The following ZNF813 variants were observed in gnomAD, a reference collection of about 807,000 sequenced individuals.
ZNF813 encodes the protein zinc finger protein 813.
Under a neutral mutation model 7.2 loss-of-function variants are expected in ZNF813, and 3 were observed. The ratio of observed to expected loss-of-function variants is 0.42; its 90% CI spans 0.19 to 1.08. ZNF813 has a LOEUF of 1.08. Among genes scored for constraint, ZNF813 ranks in the 50% least tolerant of loss-of-function variants. ZNF813 has a pLI of 0.30. For missense variants in ZNF813, 714 were observed against 753.3 expected, an observed-to-expected ratio of 0.95 and a Z score of 0.61; for synonymous variants, 227 against 256.3, an observed-to-expected ratio of 0.89 and a Z score of 1.09.
At chr19:53,477,139 C>T (rs978830619) in intron 1 of ZNF813, among the ~76,000 whole-genome samples, 3 of 152,234 alleles carry the variant, frequency 2.0e-5, no homozygotes, top group Middle Eastern at 3.4e-3. Flanking sequence ...TCACAGTGTA[C>T]GGGTTGGGTA....
Position 53,490,459 on chromosome 19 carries a change from G to C in ZNF813, c.227G>C (p.Arg76Thr). 1 of 1,614,138 alleles carries C rather than the reference G, an allele frequency of 6.2e-7. No homozygotes were observed. The highest frequency in any genetic ancestry group is 8.5e-7 in the Non-Finnish European group (1 of 1,180,012). Residue 76 changes from arginine to threonine, a missense_variant, in exon 4 of 4, where the codon AGA becomes ACA. Physicochemically the swap from Arg to Thr is moderately conservative, Grantham distance 71. Around this residue, in one of 3 missense-constraint regions of ZNF813, gnomAD observed 563 missense variants for 554.2 expected, o/e 1.02. Transcript: ENST00000396403. ...GTGATCCACACAGGGACATTGCAAA[G>C]ACATGAAAGTCATCACACTGGAGAC... ...REVIHTGTLQ[R>T]HESHHTGDFR...
chr19:53,486,598 A>G, intron 2 of ZNF813, 34 bp from the exon 3 acceptor site: 4 of 1,614,004 alleles, frequency 2.5e-6, no homozygotes, highest in Middle Eastern at 3.3e-4. Flanking sequence ...AACTCCTCCC[A>G]TAACAATTTC....
At position 53,491,238 on chromosome 19, in the gene ZNF813, T is replaced by C; in HGVS notation, c.1006T>C (p.Phe336Leu). 2 of 1,613,920 alleles carry C rather than the reference T, an allele frequency of 1.2e-6. No individual in the cohort carries two copies. Among genetic ancestry groups the C allele is most frequent in the Non-Finnish European group, 1.7e-6 (2 of 1,179,806 alleles). Reference sequence around the variant, plus strand: ...CAAGTGTAATGAATGTGGCAAGACCTTTAGTCAGACGTCATCCCTTACATG... The same window carrying C: ...CAAGTGTAATGAATGTGGCAAGACCCTTAGTCAGACGTCATCCCTTACATG... ...PYKCNECGKT[F>L]SQTSSLTCHR... The change falls in exon 4 of 4, where the codon TTT becomes CTT. Residue 336 changes from phenylalanine to leucine, a missense_variant. Transcript: ENST00000396403.
At chr19:53,489,163 A>G (rs2086447785) in intron 3 of ZNF813, among the ~76,000 whole-genome samples, 1 of 151,982 alleles carries the variant, frequency 6.6e-6, no homozygotes, top group Admixed American at 6.5e-5. Flanking sequence ...ATGAGCCACC[A>G]CACCCGGCTA....
intron 1 of ZNF813, among the ~76,000 whole-genome samples, chr19:53,482,582 C>T (rs1381960039): frequency 3.9e-5 from 6 of 152,158 alleles, no homozygotes; most frequent in Non-Finnish European, 8.8e-5. Flanking sequence ...CTTTCTCCTC[C>T]TTCAGGTCTA....
chr19:53,491,876 T>C lies in ZNF813; in HGVS notation c.1644T>C (p.Asp548=). The C allele has an allele frequency of 1.2e-5, 19 of 1,584,690 alleles. No individual in the cohort carries two copies. Among genetic ancestry groups the C allele is most frequent in the Non-Finnish European group, 1.6e-5 (19 of 1,168,572 alleles). Residue 548 remains aspartate, a synonymous_variant, in exon 4 of 4, where the codon GAT becomes GAC. Coordinates refer to ENST00000396403, the MANE Select transcript of ZNF813 (RefSeq NM_001004301.4). ...LAHHHRLHTG[D]KPYKCNECGK... is the part of the protein sequence containing the mutation. ...ATCATCATAGACTTCATACTGGAGA[T>C]AAACCTTACAAGTGTAATGAATGTG...
intron 1 of ZNF813, among the ~76,000 whole-genome samples, chr19:53,483,107 A>T (rs2086417206): frequency 6.6e-6 from 1 of 151,918 alleles, no homozygotes; most frequent in Admixed American, 6.6e-5. Flanking sequence ...ATGGGGTTTC[A>T]CCATGTTGGC....
intron 1 of ZNF813, among the ~76,000 whole-genome samples, chr19:53,482,008 G>T (rs759260114): frequency 6.6e-6 from 1 of 152,078 alleles, no homozygotes; most frequent in Non-Finnish European, 1.5e-5. Context: ...CTTTCTCTGA[G>T]CCCCAGTGAG....
At chr19:53,468,106 C>T (rs545417383) in intron 1 of ZNF813, among the ~76,000 whole-genome samples, 102 of 152,336 alleles carry the variant, frequency 6.7e-4, no homozygotes, top group African/African-American at 1.0e-3. Flanking sequence ...GGTGGATTCT[C>T]GCCCACTTCG....
intron 1 of ZNF813, among the ~76,000 whole-genome samples, chr19:53,474,138 A>C (rs151142180): frequency 5.3e-5 from 8 of 152,326 alleles, no homozygotes; most frequent in African/African-American, 1.7e-4. Context: ...GTCACTTCTC[A>C]TGCTTTTTCT....
intron 2 of ZNF813, among the ~76,000 whole-genome samples, chr19:53,485,982 T>C (rs1302458670): frequency 6.6e-6 from 1 of 152,138 alleles, no homozygotes; most frequent in African/African-American, 2.4e-5. Flanking sequence ...CATTGCAACC[T>C]CTGCCTCCTG....
Position 53,491,517 on chromosome 19 carries a change from C to T in ZNF813, c.1285C>T (p.His429Tyr). 3.1e-6 allele frequency: 5 copies of T among 1,613,796 alleles called. No homozygotes were observed. The part of the protein sequence containing the change: ...VFNKKANLAR[H>Y]HRLHSGEKPY... ...TAATAAAAAGGCAAACCTTGCACGT[C>T]ATCATAGACTTCATAGTGGAGAGAA... The change falls in exon 4 of 4, where the codon CAT (histidine) becomes TAT (tyrosine). Residue 429 changes from histidine to tyrosine, a missense_variant. This residue lies in a region of ZNF813 where 563 missense variants were observed against 554.2 expected (regional missense o/e 1.02). Coordinates refer to ENST00000396403, the MANE Select transcript of ZNF813 (RefSeq NM_001004301.4).
At chr19:53,486,558 T>C (rs563312377) in intron 2 of ZNF813, 74 bp from the exon 3 acceptor site, 2 of 1,611,422 alleles carry the variant, frequency 1.2e-6, no homozygotes, top group Admixed American at 3.3e-5. Context: ...CTTTCCCCTC[T>C]CTCCTCTTCT....
intron 1 of ZNF813, among the ~76,000 whole-genome samples, chr19:53,468,467 C>G (rs1458949805): frequency 1.3e-5 from 2 of 152,162 alleles, no homozygotes; most frequent in African/African-American, 2.4e-5. Flanking sequence ...GCTCAGCATA[C>G]GGAGGACCGG....
rs1194484733 is a variant in ZNF813 at position 53,495,407 on chromosome 19, T to C, written c.*3321T>C. ...CATCAGCTAATTTTTGTATTTTTAG[T>C]AAGACGGGGTTTCACCATGTTGGCA... On this transcript the variant is annotated 3_prime_UTR_variant, in exon 4 of 4. Transcript: ENST00000396403. The C allele has an allele frequency of 6.6e-6, 1 of 151,598 alleles. No individual in the cohort carries two copies. The highest frequency in any genetic ancestry group is 2.4e-5 in the African/African-American group (1 of 41,188). The allele number at this position is 151,598 out of a possible 1,614,324, so 9.4% of individuals were successfully genotyped here. A position where few individuals can be genotyped will look rare whatever the true frequency, so the allele number is the denominator to read the frequency against.
At position 53,491,953 on chromosome 19, in the gene ZNF813, C is replaced by T. The variant is rs1206746683; in HGVS notation, c.1721C>T (p.Thr574Ile). The change falls in exon 4 of 4, where the codon ACT becomes ATT. Residue 574 changes from threonine to isoleucine, a missense_variant. By Grantham distance (89) the Thr-to-Ile change is moderately conservative. Coordinates refer to ENST00000396403, the MANE Select transcript of ZNF813 (RefSeq NM_001004301.4). ...AHLARHHRLH[T>I]GEKPYKCNEC... The stretch of plus-strand genomic sequence containing the variant: ...CTTGCACGTCACCATAGACTTCATA[C>T]TGGAGAGAAACCTTACAAGTGTAAT... 1 of 1,611,366 alleles carries T rather than the reference C, an allele frequency of 6.2e-7. No individual in the cohort carries two copies. Among genetic ancestry groups the T allele is most frequent in the Non-Finnish European group, 8.5e-7 (1 of 1,178,622 alleles).
chr19:53,470,830 A>G (rs902299205), intron 1 of ZNF813, among the ~76,000 whole-genome samples: 2 of 151,890 alleles, frequency 1.3e-5, no homozygotes, highest in African/African-American at 4.8e-5. Context: ...TTCCTGGGCT[A>G]GGAGGTAGTC....
chr19:53,486,420 C>G (rs1409829999), intron 2 of ZNF813, among the ~76,000 whole-genome samples: 1 of 148,376 alleles, frequency 6.7e-6, no homozygotes, highest in Non-Finnish European at 1.5e-5. Flanking sequence ...GCACTCCAGC[C>G]TGGGCAGCAG....
intron 1 of ZNF813, among the ~76,000 whole-genome samples, chr19:53,476,370 C>T: frequency 6.6e-6 from 1 of 151,934 alleles, no homozygotes; most frequent in East Asian, 2.0e-4. Context: ...GTGGCTCGCG[C>T]CTGTAATCCC....
Sources: allele counts gnomAD v4.1 joint callset (sites outside exome capture counted in the v4.1 genomes callset), GRCh38; gene constraint gnomAD v4.1.1; regional missense constraint gnomAD v4.1.1; transcripts MANE v1.5; gene names NCBI Gene and HGNC (gene_info 2026-07-23, HGNC 2026-07-21).